Variants in RALGPS1 observed in about 807,000 individuals in gnomAD.
The protein encoded by RALGPS1 is Ral GEF with PH domain and SH3 binding motif 1, also known as ras-specific guanine nucleotide-releasing factor RalGPS1.
RALGPS1 carries 19 observed loss-of-function variants against 78.8 expected under a neutral mutation model. The observed-to-expected ratio is 0.24, with a 90% CI of 0.17 to 0.35. The LOEUF (loss-of-function observed/expected upper bound fraction) is 0.35. RALGPS1 is among the 10% of genes least tolerant of loss of function. The probability of loss-of-function intolerance (pLI) is 1.00; values close to 1 mark genes in which losing one functional copy is unlikely to be tolerated. For synonymous variants in RALGPS1, 228 were observed against 256.3 expected (o/e 0.89, Z 1.06); for missense variants, 454 against 688.3 (o/e 0.66, Z 3.81).
At chr9:126,933,339 C>A (rs2035971948) in intron 1 of RALGPS1, among the ~76,000 whole-genome samples, 2 of 152,048 alleles carry the variant, frequency 1.3e-5, no homozygotes, top group African/African-American at 4.8e-5. Flanking sequence ...GGTTCTGGGA[C>A]CCCAGAGGGG....
intron 3 of RALGPS1, among the ~76,000 whole-genome samples, chr9:126,970,180 C>A (rs2039969524): frequency 6.6e-6 from 1 of 152,132 alleles, no homozygotes; most frequent in Admixed American, 6.5e-5. Context: ...ATAGCAAACC[C>A]TGAAACCCAT....
chr9:127,152,905 G>T lies in RALGPS1; in HGVS notation c.611-13164G>T, dbSNP rs112539748. Among the ~76,000 whole-genome samples the T allele has an allele frequency of 7.0e-4, 106 of 152,256 alleles. 2 individuals carry two copies. Among genetic ancestry groups the T allele is most frequent in the African/African-American group, 2.5e-3 (102 of 41,534 alleles). Reference sequence around the variant, plus strand: ...CCTTTCACATGCATTACCTGCTTTCGTCTTCAGCCCTGTGAGAAAGTTACA... The same window carrying T: ...CCTTTCACATGCATTACCTGCTTTCTTCTTCAGCCCTGTGAGAAAGTTACA... On this transcript the variant is annotated intron_variant, in intron 8 of 18. Transcript: ENST00000259351.
At chr9:127,116,036 A>T (rs146004742) in intron 8 of RALGPS1, among the ~76,000 whole-genome samples, 2 of 152,312 alleles carry the variant, frequency 1.3e-5, no homozygotes, top group Non-Finnish European at 2.9e-5. Context: ...CAGCTCTCAT[A>T]AGACCATTGA....
rs143319053 is a variant in RALGPS1 at position 127,157,054 on chromosome 9, G to C, written c.611-9015G>C. On this transcript the variant is annotated intron_variant, in intron 8 of 18. Coordinates refer to ENST00000259351, the MANE Select transcript of RALGPS1 (RefSeq NM_014636.3). Reference sequence around the variant, plus strand: ...TGTATCTCTATGTATGTATTGCTGGGCTCCCTTTATTTGTCTAACTCTGTA... The same window carrying C: ...TGTATCTCTATGTATGTATTGCTGGCCTCCCTTTATTTGTCTAACTCTGTA... Among the ~76,000 whole-genome samples, 1,179 of 151,974 alleles carry C rather than the reference G, an allele frequency of 7.8e-3. 13 individuals carry two copies. The highest frequency in any genetic ancestry group is 0.047 in the South Asian group (225 of 4,816).
intron 3 of RALGPS1, among the ~76,000 whole-genome samples, chr9:126,967,801 G>A (rs1469361666): frequency 6.6e-6 from 1 of 152,044 alleles, no homozygotes; most frequent in Admixed American, 6.6e-5. Context: ...GCCTCCCAAA[G>A]TGCTGGGATT....
At chr9:127,036,343 G>C (rs1376525544) in intron 5 of RALGPS1, among the ~76,000 whole-genome samples, 1 of 152,206 alleles carries the variant, frequency 6.6e-6, no homozygotes, top group Non-Finnish European at 1.5e-5. Flanking sequence ...CTTCCTGGCA[G>C]AATTTTATGT....
At chr9:127,177,790 T>C in intron 11 of RALGPS1, 1 of 1,536,498 alleles carries the variant, frequency 6.5e-7, no homozygotes, top group South Asian at 1.2e-5. Context: ...CTGACTGTCC[T>C]GGAAGTCAGC....
At chr9:127,045,894 A>G (rs1042398974) in intron 5 of RALGPS1, among the ~76,000 whole-genome samples, 18 of 152,232 alleles carry the variant, frequency 1.2e-4, no homozygotes, top group African/African-American at 4.3e-4. Context: ...CTTGGTTTCT[A>G]ATACTGTTAT....
chr9:127,124,017 G>A (rs942921039), intron 8 of RALGPS1, among the ~76,000 whole-genome samples: 4 of 152,164 alleles, frequency 2.6e-5, no homozygotes, highest in African/African-American at 9.7e-5. Flanking sequence ...CCTGCCCCTA[G>A]GCATCCTCCC....
chr9:127,035,784 A>C (rs867108790), intron 5 of RALGPS1, among the ~76,000 whole-genome samples: 78 of 152,292 alleles, frequency 5.1e-4, no homozygotes, highest in African/African-American at 1.9e-3. Flanking sequence ...AGAAAGACCT[A>C]GGTGCATCTG....
At chr9:126,968,880 C>G (rs867015615) in intron 3 of RALGPS1, among the ~76,000 whole-genome samples, 72 of 152,136 alleles carry the variant, frequency 4.7e-4, no homozygotes, top group African/African-American at 1.7e-3. Flanking sequence ...GAAACCAGGT[C>G]TCTACTAAAA....
intron 4 of RALGPS1, among the ~76,000 whole-genome samples, chr9:127,021,625 T>C (rs1214191413): frequency 7.2e-6 from 1 of 138,598 alleles, no homozygotes; most frequent in Non-Finnish European, 1.6e-5. Flanking sequence ...TTTCTTCTTC[T>C]TCTTTTTTTT....
intron 11 of RALGPS1, among the ~76,000 whole-genome samples, chr9:127,182,895 G>GAAA (rs1290546823): frequency 1.3e-5 from 2 of 152,144 alleles, no homozygotes; most frequent in Admixed American, 6.5e-5. Flanking sequence ...TTTAAAAAGA[G>GAAA]GTTTAATTGG....
At chr9:127,051,556 G>A (rs1056768682) in intron 6 of RALGPS1, among the ~76,000 whole-genome samples, 2 of 152,204 alleles carry the variant, frequency 1.3e-5, no homozygotes, top group African/African-American at 4.8e-5. Flanking sequence ...ATGAAATTCA[G>A]TTCACTTAGA....
At chr9:126,935,174 C>T (rs1453683170) in intron 1 of RALGPS1, among the ~76,000 whole-genome samples, 2 of 152,238 alleles carry the variant, frequency 1.3e-5, no homozygotes, top group Non-Finnish European at 2.9e-5. Context: ...TTCTGCATTG[C>T]ATTGTGCTGC....
chr9:126,972,630 A>ATT (rs2040227670), intron 3 of RALGPS1, among the ~76,000 whole-genome samples: 2 of 152,224 alleles, frequency 1.3e-5, no homozygotes, highest in African/African-American at 4.8e-5. Flanking sequence ...CCAGCTGCTG[A>ATT]TTTGCAGACA....
At chr9:126,979,645 G>T (rs2041055591) in intron 4 of RALGPS1, among the ~76,000 whole-genome samples, 1 of 152,342 alleles carries the variant, frequency 6.6e-6, no homozygotes, top group East Asian at 1.9e-4. Flanking sequence ...AGGGAGGCGG[G>T]TGGGGGCTTC....
intron 8 of RALGPS1, among the ~76,000 whole-genome samples, chr9:127,085,741 G>C (rs1483831289): frequency 6.6e-6 from 1 of 152,190 alleles, no homozygotes. Context: ...AGAGCTCTCT[G>C]TTTGGGGTTT....
At chr9:126,952,535 T>G (rs1165800837) in intron 1 of RALGPS1, among the ~76,000 whole-genome samples, 1 of 152,118 alleles carries the variant, frequency 6.6e-6, no homozygotes, top group Non-Finnish European at 1.5e-5. Context: ...GGGCCTTTCT[T>G]GAACTCCTGG....
Sources: allele counts gnomAD v4.1 joint callset (sites outside exome capture counted in the v4.1 genomes callset), GRCh38; gene constraint gnomAD v4.1.1; transcripts MANE v1.5; gene names NCBI Gene and HGNC (gene_info 2026-07-23, HGNC 2026-07-21).